EDAR: variants seen among roughly 807,000 people sequenced by gnomAD.
EDAR encodes the protein ectodysplasin A receptor, also known as tumor necrosis factor receptor superfamily member EDAR.
A neutral mutation model predicts 51.3 loss-of-function variants in EDAR; 38 were observed. The observed-to-expected ratio is 0.74, with a 90% CI of 0.57 to 0.97. The LOEUF is 0.97. Ranked by LOEUF, EDAR falls within the 50% of genes least tolerant of loss-of-function variation. The probability of loss-of-function intolerance (pLI) is 0.00; values close to 1 mark genes in which losing one functional copy is unlikely to be tolerated. For missense variants in EDAR, 528 were observed against 595.0 expected, an observed-to-expected ratio of 0.89 and a Z score of 1.17; for synonymous variants, 227 against 242.1, an observed-to-expected ratio of 0.94 and a Z score of 0.58.
chr2:108,908,042 C>T, intron 9 of EDAR, 23 bp from the exon 10 acceptor site: 1 of 1,594,874 alleles, frequency 6.3e-7, no homozygotes, highest in Non-Finnish European at 8.6e-7. Flanking sequence ...GAGCGATGGT[C>T]ATTAGCAGTG....
chr2:108,912,247 T>C (rs182963717), intron 6 of EDAR, among the ~76,000 whole-genome samples: 1 of 152,372 alleles, frequency 6.6e-6, no homozygotes, highest in East Asian at 1.9e-4. Flanking sequence ...CCTCAATCCC[T>C]TCTTCCCTGG....
At chr2:108,910,098 C>T (rs367750810) in intron 9 of EDAR, among the ~76,000 whole-genome samples, 19 of 152,200 alleles carry the variant, frequency 1.2e-4, no homozygotes, top group African/African-American at 3.4e-4. Flanking sequence ...GTACTGGCAC[C>T]GGCACGGGTG....
rs1186944820 is a variant in EDAR at position 108,962,646 on chromosome 2, GCCTGGGCGACAGAGCGAGACTCTGTCTCA to G, written c.-19+26285_-19+26313del. The stretch of plus-strand genomic sequence containing the variant: ...GCCGAGATCGCTCCACTGCCCTCCA[GCCTGGGCGACAGAGCGAGACTCTGTCTCA>G]AAAAAAAAAAAAAAAAAAAAAAAAA... On this transcript the variant is annotated intron_variant, in intron 1 of 11. Transcript: ENST00000258443. Among the ~76,000 whole-genome samples the G allele has an allele frequency of 4.9e-3, 638 of 129,458 alleles. 10 individuals are homozygous for G. The highest frequency in any genetic ancestry group is 0.018 in the African/African-American group (616 of 33,660). 84.9% of individuals were successfully genotyped at this position (129,458 alleles called of 152,430 possible).
chr2:108,906,483 C>G (rs1696809356), intron 10 of EDAR, 115 bp from the exon 11 acceptor site: 1 of 1,053,242 alleles, frequency 9.5e-7, no homozygotes, highest in Non-Finnish European at 1.5e-6. Flanking sequence ...AGAGACGCTG[C>G]ACACAGCCCC....
intron 1 of EDAR, among the ~76,000 whole-genome samples, chr2:108,975,499 G>A (rs186910675): frequency 2.0e-5 from 3 of 152,316 alleles, no homozygotes; most frequent in Admixed American, 2.0e-4. Flanking sequence ...GGGTCAACCC[G>A]CGGTAGCTTG....
intron 1 of EDAR, among the ~76,000 whole-genome samples, chr2:108,936,352 G>A (rs1351104416): frequency 3.9e-5 from 6 of 152,230 alleles, no homozygotes; most frequent in South Asian, 4.1e-4. Flanking sequence ...TGGGTTGACC[G>A]CATCACGGAC....
chr2:108,922,764 A>G (rs1697173911), intron 5 of EDAR, among the ~76,000 whole-genome samples: 1 of 152,128 alleles, frequency 6.6e-6, no homozygotes, highest in Non-Finnish European at 1.5e-5. Flanking sequence ...GTCTCTCCCC[A>G]GACCACACAT....
chr2:108,970,724 A>G (rs1199955069), intron 1 of EDAR, among the ~76,000 whole-genome samples: 1 of 152,158 alleles, frequency 6.6e-6, no homozygotes, highest in Non-Finnish European at 1.5e-5. Flanking sequence ...AGCTAAGATG[A>G]TGGTTTTTTA....
chr2:108,914,508 C>T (rs892438306), intron 5 of EDAR, among the ~76,000 whole-genome samples: 2 of 152,038 alleles, frequency 1.3e-5, no homozygotes, highest in African/African-American at 4.8e-5. Context: ...TGTGACTTAG[C>T]GGGGATAAAA....
chr2:108,942,299 A>G (rs1374370895), intron 1 of EDAR, among the ~76,000 whole-genome samples: 2 of 152,208 alleles, frequency 1.3e-5, no homozygotes, highest in African/African-American at 4.8e-5. Context: ...GCCGAGGCAC[A>G]ATGCCGGATC....
At position 108,975,476 on chromosome 2, in the gene EDAR, G is replaced by C. The variant is rs368728644; in HGVS notation, c.-19+13484C>G. The stretch of plus-strand genomic sequence containing the variant: ...GCAAGACCTGCGTCTACTTTAACCT[G>C]GGACCCTAGCCTGGGTCAACCCGCG... On this transcript the variant is annotated intron_variant, in intron 1 of 11. Coordinates refer to ENST00000258443, the MANE Select transcript of EDAR (RefSeq NM_022336.4). Among the ~76,000 whole-genome samples, 17 of 152,262 alleles carry C rather than the reference G, an allele frequency of 1.1e-4. No individual in the cohort carries two copies. The South Asian group carries it at 3.5e-3, about 32-fold the overall frequency.
chr2:108,972,029 G>C (rs927396276), intron 1 of EDAR, among the ~76,000 whole-genome samples: 1 of 152,180 alleles, frequency 6.6e-6, no homozygotes, highest in Admixed American at 6.5e-5. Flanking sequence ...CTGGATGTGG[G>C]TCCTCCAGCC....
Position 108,968,409 on chromosome 2 carries a change from G to C in EDAR, c.-19+20551C>G, listed in dbSNP as rs559602897. 1.7e-3 allele frequency among the ~76,000 whole-genome samples: 262 copies of C among 152,208 alleles called. 1 individual carries two copies. Among genetic ancestry groups the C allele is most frequent in the Admixed American group, 5.4e-3 (83 of 15,296 alleles). ...GCATCCTTTTGACTGTTGAAGTTTTGCAAACCAGGGATGTAGCATTTTCTG... is the reference window on the plus strand; with the variant it reads ...GCATCCTTTTGACTGTTGAAGTTTTCCAAACCAGGGATGTAGCATTTTCTG... On this transcript the variant is annotated intron_variant, in intron 1 of 11. Transcript: ENST00000258443.
intron 6 of EDAR, among the ~76,000 whole-genome samples, 153 bp downstream of exon 6, chr2:108,912,525 G>A (rs1215845427): frequency 1.3e-5 from 2 of 152,150 alleles, no homozygotes; most frequent in African/African-American, 2.4e-5. Context: ...TTCCTGCACG[G>A]GGGGCAACAT....
intron 1 of EDAR, among the ~76,000 whole-genome samples, chr2:108,979,448 G>GTCTCTCTCTCTCTCTCTCTTTCTCTC (rs200484270): frequency 7.1e-6 from 1 of 140,236 alleles, no homozygotes; most frequent in Non-Finnish European, 1.5e-5. Context: ...CTCTCTCTCT[G>GTCTCTCTCTCTCTCTCTCTTTCTCTC]TCTCTGTCTC....
chr2:108,961,914 C>T (rs1390892688), intron 1 of EDAR, among the ~76,000 whole-genome samples: 3 of 152,172 alleles, frequency 2.0e-5, no homozygotes, highest in African/African-American at 7.2e-5. Context: ...TCTCATTTTT[C>T]CAAGTTAATA....
At chr2:108,941,122 T>C (rs866568784) in intron 1 of EDAR, among the ~76,000 whole-genome samples, 32 of 152,254 alleles carry the variant, frequency 2.1e-4, no homozygotes, top group Admixed American at 1.7e-3. Context: ...TTTCTTTCAC[T>C]GAATATAATA....
At chr2:108,976,464 C>A (rs1407847762) in intron 1 of EDAR, among the ~76,000 whole-genome samples, 1 of 152,194 alleles carries the variant, frequency 6.6e-6, no homozygotes, top group Non-Finnish European at 1.5e-5. Context: ...GGATTCCCCA[C>A]TCTGAAGTGA....
intron 1 of EDAR, among the ~76,000 whole-genome samples, chr2:108,978,786 G>A (rs940959239): frequency 2.6e-5 from 4 of 152,116 alleles, no homozygotes; most frequent in East Asian, 1.9e-4. Flanking sequence ...GAGAAAAGAC[G>A]GGAAAATCCA....
Sources: gnomAD v4.1 joint callset for allele counts (sites outside exome capture counted in the v4.1 genomes callset) on GRCh38, gnomAD v4.1.1 for gene constraint, MANE v1.5 for transcripts, NCBI Gene and HGNC (gene_info 2026-07-23, HGNC 2026-07-21) for gene names.